Variants in CSNK1G1 observed in about 807,000 individuals in gnomAD.
CSNK1G1 encodes the protein casein kinase I isoform gamma-1.
CSNK1G1 carries 22 observed loss-of-function variants against 59.6 expected under a neutral mutation model. The ratio of observed to expected loss-of-function variants is 0.37; its 90% CI spans 0.26 to 0.53. The LOEUF (loss-of-function observed/expected upper bound fraction) is 0.53, where lower values mean the gene tolerates loss of function less well. CSNK1G1 is among the 20% of genes least tolerant of loss of function. The pLI, the probability that CSNK1G1 is intolerant of heterozygous loss-of-function variation, is 0.89. For synonymous variants in CSNK1G1, 179 were observed against 177.1 expected (o/e 1.01, Z -0.08); for missense variants, 384 against 519.5 (o/e 0.74, Z 2.54).
intron 1 of CSNK1G1, among the ~76,000 whole-genome samples, chr15:64,338,421 C>T (rs1415730779): frequency 6.6e-6 from 1 of 151,968 alleles, no homozygotes; most frequent in Admixed American, 6.6e-5. Flanking sequence ...ACACTTGAGC[C>T]CGGCGCGGTG....
intron 3 of CSNK1G1, among the ~76,000 whole-genome samples, chr15:64,255,336 A>G (rs1384857185): frequency 6.6e-6 from 1 of 152,056 alleles, no homozygotes; most frequent in Non-Finnish European, 1.5e-5. Flanking sequence ...CAGCCTCCCA[A>G]AGTCCTGAGA....
intron 4 of CSNK1G1, among the ~76,000 whole-genome samples, chr15:64,228,508 C>A (rs139309246): frequency 6.6e-6 from 1 of 152,036 alleles, no homozygotes; most frequent in African/African-American, 2.4e-5. Context: ...TGGTGGCGCA[C>A]GCCTGTATTC....
At chr15:64,353,618 G>A (rs1416901216) in intron 1 of CSNK1G1, among the ~76,000 whole-genome samples, 1 of 143,274 alleles carries the variant, frequency 7.0e-6, no homozygotes, top group East Asian at 2.1e-4. Context: ...CCACACTCCA[G>A]CCTGGGTGAC....
In CSNK1G1 at chr15:64,225,829, G is replaced by A. The variant is rs149713063; in HGVS notation, c.293-9116C>T. ...TTTAGTAGAGTCGGGGTTTCGCTATGTTGGCCAGGCTGATCTTGAACTCCT... is the reference window on the plus strand; with the variant it reads ...TTTAGTAGAGTCGGGGTTTCGCTATATTGGCCAGGCTGATCTTGAACTCCT... On this transcript the variant is annotated intron_variant, in intron 4 of 11. Coordinates refer to ENST00000303052, the MANE Select transcript of CSNK1G1 (RefSeq NM_022048.5). 7.7e-4 allele frequency among the ~76,000 whole-genome samples: 118 copies of A among 152,298 alleles called. No homozygotes were observed. In the East Asian group the frequency reaches 0.021, roughly 27 times the overall value.
intron 1 of CSNK1G1, among the ~76,000 whole-genome samples, chr15:64,344,123 AC>A (rs1897821778): frequency 6.6e-6 from 1 of 152,188 alleles, no homozygotes; most frequent in African/African-American, 2.4e-5. Flanking sequence ...AAGTGGCTTC[AC>A]AGTTGCTTCC....
At chr15:64,320,678 CAAAAAAAAAA>C (rs1031206646) in intron 1 of CSNK1G1, among the ~76,000 whole-genome samples, 1 of 43,144 alleles carries the variant, frequency 2.3e-5, no homozygotes, top group East Asian at 6.3e-4. Flanking sequence ...GGCTCCATCA[CAAAAAAAAAA>C]AAAAAAAAGA....
chr15:64,292,700 G>A (rs1483527186), intron 2 of CSNK1G1, among the ~76,000 whole-genome samples: 1 of 152,106 alleles, frequency 6.6e-6, no homozygotes, highest in Non-Finnish European at 1.5e-5. Flanking sequence ...CGAGGTGGCT[G>A]GATCACTAGC....
At chr15:64,181,571 A>C in intron 10 of CSNK1G1, 4 of 823,076 alleles carry the variant, frequency 4.9e-6, no homozygotes, top group Non-Finnish European at 7.2e-6. Flanking sequence ...ACTGTCTAGT[A>C]TAATACCTAG....
At chr15:64,291,332 A>G (rs1243172741) in intron 2 of CSNK1G1, among the ~76,000 whole-genome samples, 2 of 152,196 alleles carry the variant, frequency 1.3e-5, no homozygotes, top group East Asian at 1.9e-4. Flanking sequence ...CACGCCTGTA[A>G]TCCCAGCACT....
At chr15:64,201,737 TG>T (rs879474078) in intron 10 of CSNK1G1, among the ~76,000 whole-genome samples, 1,663 of 151,578 alleles carry the variant, frequency 0.011, 39 homozygotes, top group African/African-American at 0.038. Flanking sequence ...TGTGTGTGTG[TG>T]TGTGTGTGTG....
chr15:64,211,292 A>G (rs1458933347), intron 6 of CSNK1G1, among the ~76,000 whole-genome samples: 5 of 152,244 alleles, frequency 3.3e-5, no homozygotes, highest in Non-Finnish European at 7.3e-5. Flanking sequence ...TTGCAACACA[A>G]AAAAATGCAA....
chr15:64,186,379 G>A (rs2081896060), intron 10 of CSNK1G1, among the ~76,000 whole-genome samples: 1 of 152,156 alleles, frequency 6.6e-6, no homozygotes, highest in Non-Finnish European at 1.5e-5. Flanking sequence ...CCAAAGTGCT[G>A]GGATTACAGG....
chr15:64,285,243 C>T (rs756362056), intron 2 of CSNK1G1, among the ~76,000 whole-genome samples: 13 of 152,028 alleles, frequency 8.6e-5, no homozygotes, highest in Non-Finnish European at 1.9e-4. Flanking sequence ...ATGAAAACCA[C>T]ATAGCAATGT....
At chr15:64,227,770 C>G (rs976500307) in intron 4 of CSNK1G1, among the ~76,000 whole-genome samples, 12 of 152,086 alleles carry the variant, frequency 7.9e-5, no homozygotes, top group African/African-American at 2.7e-4. Context: ...AAATAAAAAC[C>G]CTGAGAAATA....
At chr15:64,339,522 C>T (rs991470596) in intron 1 of CSNK1G1, among the ~76,000 whole-genome samples, 3 of 152,124 alleles carry the variant, frequency 2.0e-5, no homozygotes, top group East Asian at 3.9e-4. Context: ...CATGTTGGCC[C>T]AGCTGGTCTC....
At chr15:64,237,205 C>T (rs1042470603) in intron 4 of CSNK1G1, among the ~76,000 whole-genome samples, 3 of 152,112 alleles carry the variant, frequency 2.0e-5, no homozygotes, top group Non-Finnish European at 2.9e-5. Flanking sequence ...GAATACCCTA[C>T]AAACCCTGAC....
chr15:64,337,779 T>C (rs1247398516), intron 1 of CSNK1G1, among the ~76,000 whole-genome samples: 3 of 152,214 alleles, frequency 2.0e-5, no homozygotes, highest in African/African-American at 7.2e-5. Context: ...TCAACATTAA[T>C]TCTGTACCCA....
At chr15:64,282,594 A>C (rs1894201164) in intron 2 of CSNK1G1, among the ~76,000 whole-genome samples, 1 of 152,178 alleles carries the variant, frequency 6.6e-6, no homozygotes, top group South Asian at 2.1e-4. Context: ...CTGTTCATTT[A>C]ACCTGTTTTC....
chr15:64,207,393 G>A (rs752713153), intron 7 of CSNK1G1, 116 bp downstream of exon 7: 63 of 691,392 alleles, frequency 9.1e-5, no homozygotes, highest in Admixed American at 3.5e-4. Context: ...TTACAGGCAT[G>A]AGCCACCGCA....
Sources: gnomAD v4.1 joint callset for allele counts (sites outside exome capture counted in the v4.1 genomes callset) on GRCh38, gnomAD v4.1.1 for gene constraint, MANE v1.5 for transcripts, NCBI Gene and HGNC (gene_info 2026-07-23, HGNC 2026-07-21) for gene names.